Variants in PCDHGA3 observed in about 807,000 individuals in gnomAD.
The protein encoded by PCDHGA3 is protocadherin gamma-A3.
Under a neutral mutation model 58.5 loss-of-function variants are expected in PCDHGA3, and 40 were observed. The observed-to-expected ratio is 0.68, with a 90% confidence interval of 0.53 to 0.89. The LOEUF is 0.89. PCDHGA3 is among the 40% of genes least tolerant of loss of function. The pLI is 0.00. For missense variants in PCDHGA3, 1,223 were observed against 1,195.9 expected (o/e 1.02, Z -0.33); for synonymous variants, 530 against 525.7 (o/e 1.01, Z -0.11).
chr5:141,481,871 G>A (rs372191396), intron 1 of PCDHGA3, among the ~76,000 whole-genome samples: 73 of 144,864 alleles, frequency 5.0e-4, no homozygotes, highest in Non-Finnish European at 9.7e-4. Context: ...CCGAGATCGC[G>A]CCACTGCACT....
intron 1 of PCDHGA3, chr5:141,433,070 C>T: frequency 6.2e-7 from 1 of 1,614,174 alleles, no homozygotes; most frequent in Non-Finnish European, 8.5e-7. Flanking sequence ...CCTGATCTTC[C>T]CCCAGCCCAA....
intron 1 of PCDHGA3, chr5:141,427,747 C>A (rs2097063869): frequency 1.6e-6 from 2 of 1,277,502 alleles, no homozygotes; most frequent in Non-Finnish European, 2.2e-6. Flanking sequence ...GTCTCCTACT[C>A]CATCGTTACC....
Position 141,431,137 on chromosome 5 carries a change from T to G in PCDHGA3, c.2425-63670T>G. 3 of 1,614,212 alleles carry G rather than the reference T, an allele frequency of 1.9e-6. No individual in the cohort carries two copies. The highest frequency in any genetic ancestry group is 2.2e-5 in the South Asian group (2 of 91,084). On this transcript the variant is annotated intron_variant, in intron 1 of 3. Coordinates refer to ENST00000253812, the MANE Select transcript of PCDHGA3 (RefSeq NM_018916.4). This position sits in a 1 kb window ranked among gnomAD's most constrained non-coding sequence, Gnocchi z 4.8. Reference sequence around the variant, plus strand: ...GAGTAGAAGTAGAAGTAAGGGACATTAACGACAATGCGCCTTACTTTCGTG... The same window carrying G: ...GAGTAGAAGTAGAAGTAAGGGACATGAACGACAATGCGCCTTACTTTCGTG...
intron 1 of PCDHGA3, chr5:141,478,533 C>G: frequency 6.2e-7 from 1 of 1,608,070 alleles, no homozygotes; most frequent in African/African-American, 1.3e-5. Context: ...GCAGAGAGCG[C>G]CCCTCCCGGA....
rs1370450155 is a variant in PCDHGA3, at chr5:141,431,480, G to T, written c.2425-63327G>T. On this transcript the variant is annotated intron_variant, in intron 1 of 3. Coordinates refer to ENST00000253812, the MANE Select transcript of PCDHGA3 (RefSeq NM_018916.4). This position sits in a 1 kb window ranked among gnomAD's most constrained non-coding sequence, Gnocchi z 4.8. Reference sequence around the variant, plus strand: ...TCTGGATGCGAACGACAACGCACCAGCGTTTGCTCAGCCCGAGTACCGCGC... The same window carrying T: ...TCTGGATGCGAACGACAACGCACCATCGTTTGCTCAGCCCGAGTACCGCGC... 3 of 1,613,924 alleles carry T rather than the reference G, an allele frequency of 1.9e-6. No individual in the cohort carries two copies. Among genetic ancestry groups the T allele is most frequent in the Non-Finnish European group, 2.5e-6 (3 of 1,179,990 alleles).
intron 1 of PCDHGA3, chr5:141,356,164 C>T (rs1760136427): frequency 6.2e-7 from 1 of 1,612,932 alleles, no homozygotes; most frequent in Non-Finnish European, 8.5e-7. Flanking sequence ...TGTAGAAGCC[C>T]ATGATGGGCC....
rs1757639261 is a variant in PCDHGA3, at chr5:141,345,777, G to T, written c.1744G>T (p.Ala582Ser). The T allele has an allele frequency of 2.5e-6, 4 of 1,614,122 alleles. No individual in the cohort carries two copies. The African/African-American group carries it at 5.3e-5, about 22-fold the overall frequency. Residue 582 changes from alanine to serine, a missense_variant, in exon 1 of 4, where the codon GCA becomes TCA. This residue lies in a region of PCDHGA3 where 107 missense variants were observed against 159.8 expected (regional missense o/e 0.67). Transcript: ENST00000253812. ...STGVELAPRSAEPGYLVTKVV... is the reference protein window; with the variant it reads ...STGVELAPRSSEPGYLVTKVV... ...TGGCGTGGAGCTGGCGCCTCGCTCC[G>T]CAGAGCCCGGCTACCTGGTGACCAA...
In PCDHGA3 at chr5:141,432,075, C is replaced by G. The variant is rs2097446801; in HGVS notation, c.2425-62732C>G. 2 of 1,614,086 alleles carry G rather than the reference C, an allele frequency of 1.2e-6. No individual in the cohort carries two copies. Among genetic ancestry groups the G allele is most frequent in the Non-Finnish European group, 1.7e-6 (2 of 1,180,054 alleles). ...CCCCTATCCACGGAAACTCATATCT[C>G]GCTGAACGTGGCAGACACCAACGAC... On this transcript the variant is annotated intron_variant, in intron 1 of 3. Transcript: ENST00000253812. This position sits in a 1 kb window ranked among gnomAD's most constrained non-coding sequence, Gnocchi z 6.0.
At chr5:141,417,890 G>GCCGGC (rs2096180101) in intron 1 of PCDHGA3, 1 of 1,568,496 alleles carries the variant, frequency 6.4e-7, no homozygotes, top group Non-Finnish European at 8.6e-7. Context: ...GAGGCGCCGG[G>GCCGGC]CCGGCCCGCG....
At chr5:141,463,682 G>A (rs62379195) in intron 1 of PCDHGA3, among the ~76,000 whole-genome samples, 7,165 of 151,926 alleles carry the variant, frequency 0.047, 241 homozygotes, top group Middle Eastern at 0.095. Context: ...GGATGACCTC[G>A]TGATCTGCTC....
intron 1 of PCDHGA3, chr5:141,415,388 G>T: frequency 6.2e-7 from 1 of 1,614,236 alleles, no homozygotes; most frequent in Non-Finnish European, 8.5e-7. Context: ...GGCTTGACAG[G>T]TGTGTCCGGC....
rs572270591 is a variant in PCDHGA3, at chr5:141,397,633, T to C, written c.2424+51176T>C. The stretch of plus-strand genomic sequence containing the variant: ...GGCAATACTTAGTTCTAGCTAAGAG[T>C]TCAAGGTATGTTTGCAGAATGGTGA... On this transcript the variant is annotated intron_variant, in intron 1 of 3. Coordinates refer to ENST00000253812, the MANE Select transcript of PCDHGA3 (RefSeq NM_018916.4). Among the ~76,000 whole-genome samples, 5 of 152,252 alleles carry C rather than the reference T, an allele frequency of 3.3e-5. No homozygotes were observed. In the East Asian group the frequency reaches 9.7e-4, roughly 29 times the overall value.
At chr5:141,414,316 G>T (rs2095734692) in intron 1 of PCDHGA3, 1 of 1,613,682 alleles carries the variant, frequency 6.2e-7, no homozygotes, top group Admixed American at 1.7e-5. Flanking sequence ...TTTAGACTCT[G>T]AGCAGAATGG....
chr5:141,456,446 T>C (rs1053843910), intron 1 of PCDHGA3, among the ~76,000 whole-genome samples: 2 of 151,782 alleles, frequency 1.3e-5, no homozygotes, highest in Admixed American at 1.3e-4. Context: ...GTATACAGAG[T>C]CCAAATATCA....
intron 1 of PCDHGA3, among the ~76,000 whole-genome samples, chr5:141,368,623 C>A (rs1765768097): frequency 6.6e-6 from 1 of 152,060 alleles, no homozygotes; most frequent in Non-Finnish European, 1.5e-5. Flanking sequence ...GGGTACATTT[C>A]TTCTGAGTTA....
intron 1 of PCDHGA3, chr5:141,478,450 AGCCAGTCCACTGGCCAGCC>A (rs1562070520): frequency 6.2e-7 from 1 of 1,613,572 alleles, no homozygotes. Context: ...AACCTGGTGC[AGCCAGTCCACTGGCCAGCC>A]GCCAGAACAC....
At chr5:141,408,375 T>A in intron 1 of PCDHGA3, 1 of 1,613,972 alleles carries the variant, frequency 6.2e-7, no homozygotes, top group Non-Finnish European at 8.5e-7. Context: ...GGGCTCAGTG[T>A]CCTGGATGTG....
intron 1 of PCDHGA3, chr5:141,393,073 C>A: frequency 1.2e-6 from 2 of 1,613,658 alleles, no homozygotes; most frequent in Non-Finnish European, 8.5e-7. Flanking sequence ...TTGATCACCG[C>A]GGGCAGGATA....
chr5:141,358,561 A>G (rs940121879), intron 1 of PCDHGA3, among the ~76,000 whole-genome samples: 2 of 152,242 alleles, frequency 1.3e-5, no homozygotes, highest in Admixed American at 1.3e-4. Flanking sequence ...GAGATGCACC[A>G]GAAGTGACTA....
Sources: allele counts gnomAD v4.1 joint callset (sites outside exome capture counted in the v4.1 genomes callset), GRCh38; gene constraint gnomAD v4.1.1; regional missense constraint gnomAD v4.1.1; non-coding constraint Gnocchi (gnomAD v3.1); transcripts MANE v1.5; gene names NCBI Gene and HGNC (gene_info 2026-07-23, HGNC 2026-07-21).